Variants in CACNA2D1 observed in about 807,000 individuals in gnomAD.
CACNA2D1 encodes the protein calcium voltage-gated channel auxiliary subunit alpha2delta 1.
CACNA2D1 carries 53 observed loss-of-function variants against 171.5 expected under a neutral mutation model. That is an observed-to-expected ratio of 0.31 (90% confidence interval 0.25 to 0.39). CACNA2D1 has a LOEUF of 0.39. Among genes scored for constraint, CACNA2D1 ranks in the 10% least tolerant of loss-of-function variants. CACNA2D1 has a pLI of 1.00. For missense variants in CACNA2D1, 903 were observed against 1,299.8 expected, an observed-to-expected ratio of 0.69 and a Z score of 4.69; for synonymous variants, 442 against 443.1, an observed-to-expected ratio of 1.00 and a Z score of 0.03.
chr7:82,102,182 C>G (rs749845721), intron 6 of CACNA2D1, among the ~76,000 whole-genome samples: 12 of 151,754 alleles, frequency 7.9e-5, no homozygotes, highest in Non-Finnish European at 1.6e-4. Context: ...AGTAACAGTT[C>G]TATTGTGCAG....
intron 3 of CACNA2D1, among the ~76,000 whole-genome samples, chr7:82,290,499 T>G (rs573157470): frequency 6.6e-6 from 1 of 151,928 alleles, no homozygotes; most frequent in Non-Finnish European, 1.5e-5. Flanking sequence ...CAGTTTCATT[T>G]TATTTTTTAT....
chr7:82,212,521 G>C (rs1268545044), intron 3 of CACNA2D1, among the ~76,000 whole-genome samples: 1 of 152,146 alleles, frequency 6.6e-6, no homozygotes, highest in Non-Finnish European at 1.5e-5. Context: ...TAAGCCTATA[G>C]TTACTATGTG....
chr7:82,119,799 A>G (rs939067566), intron 5 of CACNA2D1, among the ~76,000 whole-genome samples: 2 of 152,232 alleles, frequency 1.3e-5, no homozygotes, highest in African/African-American at 2.4e-5. Flanking sequence ...GTTGTAAAAT[A>G]ATTAGTTGAT....
At chr7:82,331,358 A>C (rs959108704) in intron 3 of CACNA2D1, among the ~76,000 whole-genome samples, 2 of 152,186 alleles carry the variant, frequency 1.3e-5, no homozygotes, top group African/African-American at 4.8e-5. Flanking sequence ...CCTTTAATCC[A>C]GATGTCTCCC....
At chr7:82,138,453 T>C (rs1241681334) in intron 4 of CACNA2D1, among the ~76,000 whole-genome samples, 1 of 118,158 alleles carries the variant, frequency 8.5e-6, no homozygotes, top group Non-Finnish European at 1.8e-5. Flanking sequence ...TTTTTTGTTT[T>C]TTTTTTTTTT....
intron 3 of CACNA2D1, among the ~76,000 whole-genome samples, chr7:82,233,360 C>T (rs1803176108): frequency 1.3e-5 from 2 of 152,152 alleles, no homozygotes; most frequent in South Asian, 4.1e-4. Flanking sequence ...TAAATTTTAA[C>T]AAGGTAAACA....
chr7:82,178,076 G>A (rs1306941422), intron 3 of CACNA2D1, among the ~76,000 whole-genome samples: 1 of 152,128 alleles, frequency 6.6e-6, no homozygotes, highest in Non-Finnish European at 1.5e-5. Context: ...CTTTAAGGGA[G>A]TGTAATATAT....
intron 3 of CACNA2D1, among the ~76,000 whole-genome samples, chr7:82,268,735 AAAAAG>A (rs1808242670): frequency 6.6e-6 from 1 of 152,174 alleles, no homozygotes; most frequent in African/African-American, 2.4e-5. Flanking sequence ...CAAAAAAAAA[AAAAAG>A]ACACAATTAA....
At chr7:82,375,138 A>C (rs1289428393) in intron 1 of CACNA2D1, among the ~76,000 whole-genome samples, 1 of 152,182 alleles carries the variant, frequency 6.6e-6, no homozygotes, top group Non-Finnish European at 1.5e-5. Flanking sequence ...AAATGAGCAG[A>C]AACAATACAG....
At chr7:81,991,847 T>C (rs565634005) in intron 20 of CACNA2D1, among the ~76,000 whole-genome samples, 4 of 152,108 alleles carry the variant, frequency 2.6e-5, no homozygotes, top group Admixed American at 6.5e-5. Context: ...AATTTTTTTT[T>C]TTTTTTAGAC....
intron 10 of CACNA2D1, among the ~76,000 whole-genome samples, chr7:82,051,692 C>T (rs1182715330): frequency 6.6e-6 from 1 of 152,144 alleles, no homozygotes; most frequent in Admixed American, 6.5e-5. Context: ...CCATCATCCT[C>T]CACTGGCTTG....
intron 3 of CACNA2D1, among the ~76,000 whole-genome samples, chr7:82,248,954 A>G (rs1805279485): frequency 6.6e-6 from 1 of 152,056 alleles, no homozygotes; most frequent in Non-Finnish European, 1.5e-5. Context: ...TGTCTCTACT[A>G]AAAATACAAA....
At chr7:82,429,376 T>C (rs1329169710) in intron 1 of CACNA2D1, among the ~76,000 whole-genome samples, 2 of 152,028 alleles carry the variant, frequency 1.3e-5, no homozygotes, top group African/African-American at 2.4e-5. Context: ...AGGGTAGATA[T>C]ATAGAGGCAA....
intron 5 of CACNA2D1, among the ~76,000 whole-genome samples, chr7:82,120,667 G>A (rs1454807365): frequency 1.3e-5 from 2 of 152,062 alleles, no homozygotes; most frequent in African/African-American, 4.8e-5. Flanking sequence ...ACGAGGTCAG[G>A]AGTTTGAGAC....
chr7:81,997,489 T>G (rs931684848), intron 18 of CACNA2D1, among the ~76,000 whole-genome samples: 2 of 151,556 alleles, frequency 1.3e-5, no homozygotes, highest in Admixed American at 1.3e-4. Context: ...TCATTTTGAG[T>G]GCTGTATTTG....
At chr7:82,307,809 C>T (rs1813923826) in intron 3 of CACNA2D1, among the ~76,000 whole-genome samples, 1 of 151,996 alleles carries the variant, frequency 6.6e-6, no homozygotes, top group Admixed American at 6.6e-5. Context: ...TGGTAGATAC[C>T]TTCTGTTTAA....
At chr7:82,351,383 G>A (rs1819828018) in intron 1 of CACNA2D1, among the ~76,000 whole-genome samples, 1 of 151,786 alleles carries the variant, frequency 6.6e-6, no homozygotes, top group Non-Finnish European at 1.5e-5. Context: ...TTAAAAGAAT[G>A]ATGAGCTGAT....
chr7:82,022,741 G>C (rs372145298), intron 12 of CACNA2D1, among the ~76,000 whole-genome samples: 1 of 151,870 alleles, frequency 6.6e-6, no homozygotes, highest in South Asian at 2.1e-4. Context: ...AAATAGAAAA[G>C]ACTTTCTCAA....
chr7:82,187,741 T>C (rs1386577271), intron 3 of CACNA2D1, among the ~76,000 whole-genome samples: 3 of 152,054 alleles, frequency 2.0e-5, no homozygotes, highest in African/African-American at 4.8e-5. Flanking sequence ...TAGATTGCTT[T>C]GATAATTGAG....
Sources: gnomAD v4.1 joint callset for allele counts (sites outside exome capture counted in the v4.1 genomes callset) on GRCh38, gnomAD v4.1.1 for gene constraint, MANE v1.5 for transcripts, NCBI Gene and HGNC (gene_info 2026-07-23, HGNC 2026-07-21) for gene names.